The following KCNH7 variants were observed in gnomAD, a reference collection of about 807,000 sequenced individuals.
KCNH7 encodes potassium voltage-gated channel subfamily H member 7, also known as voltage-gated inwardly rectifying potassium channel KCNH7.
In KCNH7, 49 loss-of-function variants were observed where a neutral mutation model predicts 120.8. The observed-to-expected ratio is 0.41, with a 90% confidence interval of 0.32 to 0.51. The LOEUF (loss-of-function observed/expected upper bound fraction) is 0.51, where lower values mean the gene tolerates loss of function less well. Ranked by LOEUF, KCNH7 falls within the 20% of genes least tolerant of loss-of-function variation. The pLI, the probability that KCNH7 is intolerant of heterozygous loss-of-function variation, is 0.38. For synonymous variants in KCNH7, 547 were observed against 516.1 expected (o/e 1.06, Z -0.81); for missense variants, 1,097 against 1,446.6 (o/e 0.76, Z 3.92).
intron 4 of KCNH7, among the ~76,000 whole-genome samples, chr2:162,515,352 A>G (rs1691244313): frequency 6.6e-6 from 1 of 151,764 alleles, no homozygotes. Flanking sequence ...CACTAAATGG[A>G]TATCATATAA....
chr2:162,674,111 A>G (rs558682725), intron 2 of KCNH7, among the ~76,000 whole-genome samples: 1 of 151,982 alleles, frequency 6.6e-6, no homozygotes, highest in Non-Finnish European at 1.5e-5. Flanking sequence ...CAGATGACAC[A>G]TTTATATACA....
chr2:162,640,779 C>T (rs1004504864), intron 2 of KCNH7, among the ~76,000 whole-genome samples: 3 of 151,892 alleles, frequency 2.0e-5, no homozygotes, highest in African/African-American at 4.8e-5. Flanking sequence ...CAATGACATA[C>T]CCAGTAAAGG....
At chr2:162,504,292 A>C in intron 6 of KCNH7, 151 bp downstream of exon 6, 1 of 628,676 alleles carries the variant, frequency 1.6e-6, no homozygotes, top group Non-Finnish European at 2.8e-6. Context: ...CTGTTATATT[A>C]GAGAGTTACC....
chr2:162,784,499 T>C (rs912891676), intron 2 of KCNH7: 1 of 152,204 alleles, frequency 6.6e-6, no homozygotes, highest in African/African-American at 2.4e-5. Context: ...AATTCACCTA[T>C]AACTAACTAT....
chr2:162,521,253 T>C (rs966428879), intron 3 of KCNH7, among the ~76,000 whole-genome samples: 1 of 151,924 alleles, frequency 6.6e-6, no homozygotes, highest in African/African-American at 2.4e-5. Flanking sequence ...GCATGGTAAA[T>C]GAATTTTCAC....
chr2:162,553,193 G>A (rs1437741805), intron 2 of KCNH7, among the ~76,000 whole-genome samples: 2 of 152,148 alleles, frequency 1.3e-5, no homozygotes, highest in Admixed American at 6.5e-5. Flanking sequence ...ATTGAGTTAT[G>A]TTGACTGTAT....
At chr2:162,701,096 C>A (rs1686481304) in intron 2 of KCNH7, among the ~76,000 whole-genome samples, 1 of 152,118 alleles carries the variant, frequency 6.6e-6, no homozygotes, top group South Asian at 2.1e-4. Flanking sequence ...TATTATAGTA[C>A]AGTCAATGAA....
At chr2:162,821,455 A>C (rs1245016035) in intron 2 of KCNH7, among the ~76,000 whole-genome samples, 1 of 152,232 alleles carries the variant, frequency 6.6e-6, no homozygotes, top group Non-Finnish European at 1.5e-5. Flanking sequence ...CACAGTAAAC[A>C]TTTTAGGCAT....
At chr2:162,776,045 T>C (rs1445784148) in intron 2 of KCNH7, among the ~76,000 whole-genome samples, 1 of 152,216 alleles carries the variant, frequency 6.6e-6, no homozygotes, top group Non-Finnish European at 1.5e-5. Flanking sequence ...TCCACACATA[T>C]TGGCTGTCAA....
intron 2 of KCNH7, among the ~76,000 whole-genome samples, chr2:162,619,769 C>A (rs372856957): frequency 6.6e-6 from 1 of 152,046 alleles, no homozygotes; most frequent in African/African-American, 2.4e-5. Context: ...AGTGATTAAA[C>A]GCATCTTCTT....
chr2:162,799,806 T>C (rs140277377), intron 2 of KCNH7, among the ~76,000 whole-genome samples: 1 of 151,920 alleles, frequency 6.6e-6, no homozygotes, highest in Non-Finnish European at 1.5e-5. Flanking sequence ...GCGTTCCTGG[T>C]TCGCATTTCA....
In KCNH7 at chr2:162,601,835, A is replaced by G. The variant is rs1285947532; in HGVS notation, c.308-64755T>C. Among the ~76,000 whole-genome samples, 3 of 152,106 alleles carry G rather than the reference A, an allele frequency of 2.0e-5. No individual in the cohort carries two copies. The South Asian group carries it at 6.2e-4, about 31-fold the overall frequency. ...ACCTTATTAACATTATAAAGGATGAACGGTTTGTAGCATTTCCATTCATGT... is the reference window on the plus strand; with the variant it reads ...ACCTTATTAACATTATAAAGGATGAGCGGTTTGTAGCATTTCCATTCATGT... On this transcript the variant is annotated intron_variant, in intron 2 of 15. Transcript: ENST00000332142.
chr2:162,453,691 A>G (rs1688856564), intron 6 of KCNH7, among the ~76,000 whole-genome samples: 2 of 152,036 alleles, frequency 1.3e-5, no homozygotes, highest in Admixed American at 1.3e-4. Context: ...TGTGGTTTTA[A>G]TTTGCATTTC....
chr2:162,553,753 T>C (rs1574094652), intron 2 of KCNH7, among the ~76,000 whole-genome samples: 1 of 152,320 alleles, frequency 6.6e-6, no homozygotes, highest in Non-Finnish European at 1.5e-5. Context: ...TATGGTTAAT[T>C]GTCTCAAAAG....
chr2:162,538,433 G>C lies in KCNH7; in HGVS notation c.308-1353C>G, dbSNP rs78347692. ...AGAATGATGATTCAATGCAGAGGCG[G>C]GGGGAGGTTGAGAGCAAGATTAGTC... On this transcript the variant is annotated intron_variant, in intron 2 of 15. Transcript: ENST00000332142. 3.7e-3 allele frequency among the ~76,000 whole-genome samples: 556 copies of C among 152,024 alleles called. 24 individuals are homozygous for C. The East Asian group carries it at 0.096, about 26-fold the overall frequency.
chr2:162,533,754 A>G (rs1692012823), intron 3 of KCNH7, among the ~76,000 whole-genome samples: 1 of 151,726 alleles, frequency 6.6e-6, no homozygotes, highest in African/African-American at 2.4e-5. Context: ...ACTTTCTTAA[A>G]TCCAAGACAT....
At chr2:162,700,864 T>C (rs1443932119) in intron 2 of KCNH7, among the ~76,000 whole-genome samples, 1 of 152,216 alleles carries the variant, frequency 6.6e-6, no homozygotes. Context: ...CAAATCTGTT[T>C]TGGTGTCTTT....
intron 2 of KCNH7, among the ~76,000 whole-genome samples, chr2:162,537,838 A>AT (rs1232328729): frequency 6.6e-6 from 1 of 152,106 alleles, no homozygotes; most frequent in East Asian, 1.9e-4. Context: ...AACCACTACC[A>AT]TCCGTCTTCC....
chr2:162,717,063 G>A (rs1413075846), intron 2 of KCNH7, among the ~76,000 whole-genome samples: 1 of 152,028 alleles, frequency 6.6e-6, no homozygotes. Context: ...GTTGCAGAGA[G>A]GGTTGAAAGA....
Sources: allele counts gnomAD v4.1 joint callset (sites outside exome capture counted in the v4.1 genomes callset), GRCh38; gene constraint gnomAD v4.1.1; transcripts MANE v1.5; gene names NCBI Gene and HGNC (gene_info 2026-07-23, HGNC 2026-07-21).